CNTNAP2: variants seen among roughly 807,000 people sequenced by gnomAD.
CNTNAP2 encodes contactin-associated protein-like 2.
In CNTNAP2, 98 loss-of-function variants were observed where a neutral mutation model predicts 155.2. The ratio of observed to expected loss-of-function variants is 0.63; its 90% confidence interval spans 0.54 to 0.75. The LOEUF (loss-of-function observed/expected upper bound fraction) is 0.75, where lower values mean the gene tolerates loss of function less well. CNTNAP2 is among the 30% of genes least tolerant of loss of function. The pLI is 0.00. For missense variants in CNTNAP2, 1,727 were observed against 1,688.1 expected (o/e 1.02, Z -0.40); for synonymous variants, 651 against 631.2 (o/e 1.03, Z -0.47).
intron 1 of CNTNAP2, among the ~76,000 whole-genome samples, chr7:146,640,496 T>G (rs1035487440): frequency 2.6e-5 from 4 of 152,220 alleles, no homozygotes; most frequent in Non-Finnish European, 5.9e-5. Flanking sequence ...TTCCTTGCAA[T>G]GTGTAGAGTA....
chr7:146,506,352 T>G (rs995584063), intron 1 of CNTNAP2, among the ~76,000 whole-genome samples: 3 of 152,234 alleles, frequency 2.0e-5, no homozygotes, highest in African/African-American at 7.2e-5. Flanking sequence ...GTGTCCACGC[T>G]GGGCATTTCT....
intron 12 of CNTNAP2, among the ~76,000 whole-genome samples, chr7:147,590,495 G>A (rs767876335): frequency 1.3e-5 from 2 of 152,078 alleles, no homozygotes; most frequent in Admixed American, 6.6e-5. Flanking sequence ...GGTGCCTTCC[G>A]CCATGATTAT....
At chr7:147,150,047 T>C (rs1314019355) in intron 8 of CNTNAP2, among the ~76,000 whole-genome samples, 1 of 152,170 alleles carries the variant, frequency 6.6e-6, no homozygotes, top group Non-Finnish European at 1.5e-5. Flanking sequence ...TTGGAGAGAA[T>C]CCAGTCCTGT....
intron 8 of CNTNAP2, among the ~76,000 whole-genome samples, chr7:147,250,200 A>G (rs1007576657): frequency 7.2e-5 from 11 of 152,264 alleles, no homozygotes; most frequent in African/African-American, 2.6e-4. Context: ...AAATCCAGAT[A>G]TGTTAATAGA....
In CNTNAP2 at chr7:148,417,564, T is replaced by G. The variant is rs76145154; in HGVS notation, c.*1948T>G. 6.6e-6 allele frequency: 1 copy of G among 152,454 alleles called. No homozygotes were observed. The highest frequency in any genetic ancestry group is 2.4e-5 in the African/African-American group (1 of 41,598). 9.4% of individuals were successfully genotyped at this position (152,454 alleles called of 1,614,324 possible). ...TTAATATCACTAAATATCAGAACAA[T>G]GTAACATTTACAAATGACATATTGA... On this transcript the variant is annotated 3_prime_UTR_variant, in exon 24 of 24. Transcript: ENST00000361727.
chr7:146,432,019 G>A (rs1796180045), intron 1 of CNTNAP2, among the ~76,000 whole-genome samples: 2 of 151,986 alleles, frequency 1.3e-5, no homozygotes, highest in Admixed American at 6.6e-5. Context: ...TCATCTTGTG[G>A]TCCTACTGAA....
chr7:146,450,909 G>T (rs1336121979), intron 1 of CNTNAP2, among the ~76,000 whole-genome samples: 2 of 151,230 alleles, frequency 1.3e-5, no homozygotes, highest in African/African-American at 4.9e-5. Flanking sequence ...TTTGTAAATA[G>T]AGATGCTGTT....
intron 1 of CNTNAP2, among the ~76,000 whole-genome samples, chr7:146,315,540 C>T (rs1233998170): frequency 6.6e-6 from 1 of 152,148 alleles, no homozygotes; most frequent in Non-Finnish European, 1.5e-5. Flanking sequence ...CTGGCTTTCT[C>T]TGGGACAGAA....
intron 10 of CNTNAP2, among the ~76,000 whole-genome samples, chr7:147,447,234 C>A (rs892830363): frequency 2.0e-5 from 3 of 152,096 alleles, no homozygotes; most frequent in Non-Finnish European, 4.4e-5. Flanking sequence ...ATAGCTTCCA[C>A]CTGCATGCTC....
At chr7:147,981,620 C>A (rs1183165918) in intron 15 of CNTNAP2, among the ~76,000 whole-genome samples, 10 of 152,194 alleles carry the variant, frequency 6.6e-5, no homozygotes, top group Non-Finnish European at 1.2e-4. Flanking sequence ...TCTGCCCAAC[C>A]ATTTCAGCAG....
At chr7:147,704,072 A>G (rs1244330545) in intron 13 of CNTNAP2, among the ~76,000 whole-genome samples, 1 of 152,196 alleles carries the variant, frequency 6.6e-6, no homozygotes, top group Non-Finnish European at 1.5e-5. Flanking sequence ...AGGTTGGCAC[A>G]GCAGTAATTG....
At chr7:146,593,674 C>T (rs1798816695) in intron 1 of CNTNAP2, among the ~76,000 whole-genome samples, 1 of 152,118 alleles carries the variant, frequency 6.6e-6, no homozygotes, top group Non-Finnish European at 1.5e-5. Flanking sequence ...TGCTCCCCCA[C>T]CTCTGTATCT....
Position 146,905,954 on chromosome 7 carries a change from C to T in CNTNAP2, c.402+66050C>T, listed in dbSNP as rs899708187. On this transcript the variant is annotated intron_variant, in intron 3 of 23. Transcript: ENST00000361727. ...CAGTGGGTGCACGCACCACACCGTG[C>T]GCGAGCCGAAGCAGGGCGAGGCATT... 1.5e-4 allele frequency among the ~76,000 whole-genome samples: 23 copies of T among 152,176 alleles called. 1 individual carries two copies. Among genetic ancestry groups the T allele is most frequent in the Admixed American group, 3.9e-4 (6 of 15,280 alleles).
At chr7:146,663,102 A>C (rs1039182762) in intron 1 of CNTNAP2, among the ~76,000 whole-genome samples, 1 of 151,974 alleles carries the variant, frequency 6.6e-6, no homozygotes, top group Non-Finnish European at 1.5e-5. Context: ...ATATGGTGAA[A>C]TCCCATCTTT....
At chr7:147,093,427 A>T (rs1473879825) in intron 4 of CNTNAP2, among the ~76,000 whole-genome samples, 1 of 152,038 alleles carries the variant, frequency 6.6e-6, no homozygotes, top group Non-Finnish European at 1.5e-5. Flanking sequence ...TTCTTGTGTA[A>T]AGGTAAATAA....
At chr7:146,280,647 G>A (rs972076154) in intron 1 of CNTNAP2, among the ~76,000 whole-genome samples, 10 of 151,996 alleles carry the variant, frequency 6.6e-5, no homozygotes, top group South Asian at 2.1e-4. Context: ...TAGGGTCATC[G>A]GCTGCCCACT....
intron 14 of CNTNAP2, among the ~76,000 whole-genome samples, chr7:147,970,111 A>G (rs1207122539): frequency 6.6e-6 from 1 of 151,384 alleles, no homozygotes; most frequent in Non-Finnish European, 1.5e-5. Flanking sequence ...AAAATTTTTT[A>G]TAGAGACAGG....
At chr7:148,233,358 TAGAG>T (rs142079328) in intron 20 of CNTNAP2, among the ~76,000 whole-genome samples, 6,616 of 151,812 alleles carry the variant, frequency 0.044, 183 homozygotes, top group South Asian at 0.073. Flanking sequence ...TTAAATGAAA[TAGAG>T]AGTTAATGGA....
At chr7:147,720,888 T>G (rs1455355464) in intron 13 of CNTNAP2, among the ~76,000 whole-genome samples, 2 of 152,134 alleles carry the variant, frequency 1.3e-5, no homozygotes, top group Non-Finnish European at 2.9e-5. Flanking sequence ...AAGGTCTTTA[T>G]GGTTTTCATC....
Sources: gnomAD v4.1 joint callset for allele counts (sites outside exome capture counted in the v4.1 genomes callset) on GRCh38, gnomAD v4.1.1 for gene constraint, MANE v1.5 for transcripts, NCBI Gene and HGNC (gene_info 2026-07-23, HGNC 2026-07-21) for gene names.